PDE1C: variants seen among roughly 807,000 people sequenced by gnomAD.
PDE1C encodes the protein phosphodiesterase 1C, also known as dual specificity calcium/calmodulin-dependent 3',5'-cyclic nucleotide phosphodiesterase 1C.
PDE1C carries 62 observed loss-of-function variants against 93.1 expected under a neutral mutation model. That is an observed-to-expected ratio of 0.67 (90% CI 0.54 to 0.82). The LOEUF is 0.82. Among genes scored for constraint, PDE1C ranks in the 40% least tolerant of loss-of-function variants. The pLI is 0.00. For missense variants in PDE1C, 742 were observed against 884.6 expected, an observed-to-expected ratio of 0.84 and a Z score of 2.04; for synonymous variants, 325 against 310.1, an observed-to-expected ratio of 1.05 and a Z score of -0.50.
At chr7:32,246,646 A>G (rs1808979553) in intron 1 of PDE1C, among the ~76,000 whole-genome samples, 1 of 152,218 alleles carries the variant, frequency 6.6e-6, no homozygotes, top group African/African-American at 2.4e-5. Flanking sequence ...ATTTATTGCA[A>G]GCAGGGAAGC....
At chr7:31,991,846 A>G (rs1389327829) in intron 2 of PDE1C, among the ~76,000 whole-genome samples, 4 of 152,238 alleles carry the variant, frequency 2.6e-5, no homozygotes. Context: ...AGCATACTTA[A>G]CAACCTGCTT....
chr7:32,422,026 T>G (rs1407002321), intron 1 of PDE1C, among the ~76,000 whole-genome samples: 1 of 152,250 alleles, frequency 6.6e-6, no homozygotes, highest in African/African-American at 2.4e-5. Context: ...TTGGTAAGAC[T>G]CTGGGACCCC....
At chr7:32,141,283 T>C (rs1800508769) in intron 3 of PDE1C, among the ~76,000 whole-genome samples, 1 of 152,140 alleles carries the variant, frequency 6.6e-6, no homozygotes, top group African/African-American at 2.4e-5. Context: ...AATGTGCTAT[T>C]ATCATGCCTG....
chr7:32,051,569 T>C lies in PDE1C; in HGVS notation c.113A>G (p.Lys38Arg). Residue 38 changes from lysine (K) to arginine (R), a missense_variant, in exon 2 of 18, where the codon AAG becomes AGG. Coordinates refer to ENST00000396191, the MANE Select transcript of PDE1C (RefSeq NM_001191057.4). ...WLRLRGLRKY[K>R]KTSQRLRSLV... ...ACGTTCTTACCTCTGGGACGTTTTC[T>C]TATATTTCCTCCTGTAAGAAAAGGC... is the stretch of plus-strand genomic sequence containing the variant. 6.2e-7 allele frequency: 1 copy of C among 1,613,776 alleles called. No individual in the cohort carries two copies. The highest frequency in any genetic ancestry group is 8.5e-7 in the Non-Finnish European group (1 of 1,179,750).
intron 2 of PDE1C, among the ~76,000 whole-genome samples, chr7:32,017,623 G>C (rs1382994183): frequency 6.6e-6 from 1 of 151,986 alleles, no homozygotes; most frequent in Non-Finnish European, 1.5e-5. Context: ...CTAGTATCTA[G>C]AATACATAAA....
intron 2 of PDE1C, among the ~76,000 whole-genome samples, chr7:31,965,789 G>C (rs570472315): frequency 7.9e-5 from 12 of 152,348 alleles, no homozygotes; most frequent in Admixed American, 6.5e-4. Context: ...CCAGAAGAGA[G>C]TGGGGGCAAA....
intron 1 of PDE1C, among the ~76,000 whole-genome samples, chr7:32,360,826 C>T (rs1784123956): frequency 1.3e-5 from 2 of 152,126 alleles, no homozygotes; most frequent in Non-Finnish European, 2.9e-5. Flanking sequence ...AACTCAAAGA[C>T]TTGGGATCGG....
At chr7:31,630,120 G>T in the PDE1C span, among the ~76,000 whole-genome samples, 1 of 151,008 alleles carries the variant, frequency 6.6e-6, no homozygotes, top group Non-Finnish European at 1.5e-5. Context: ...TTAATTCTTG[G>T]TGTTTGAAAT....
intron 2 of PDE1C, among the ~76,000 whole-genome samples, chr7:31,931,933 C>T (rs1804357355): frequency 6.6e-6 from 1 of 152,176 alleles, no homozygotes; most frequent in Non-Finnish European, 1.5e-5. Context: ...ACCATCTGAT[C>T]TTTGAGAAAC....
chr7:32,408,071 A>G (rs567254196), intron 1 of PDE1C, among the ~76,000 whole-genome samples: 1 of 152,342 alleles, frequency 6.6e-6, no homozygotes, highest in South Asian at 2.1e-4. Flanking sequence ...AAGTATCTTT[A>G]GTAAGTAAGA....
At chr7:31,889,045 G>A (rs1216052380) in intron 2 of PDE1C, among the ~76,000 whole-genome samples, 2 of 152,162 alleles carry the variant, frequency 1.3e-5, no homozygotes, top group Non-Finnish European at 2.9e-5. Flanking sequence ...CCATGCTCAT[G>A]AATTTTAACA....
chr7:31,927,122 G>A (rs1343764319), intron 2 of PDE1C, among the ~76,000 whole-genome samples: 1 of 152,022 alleles, frequency 6.6e-6, no homozygotes, highest in Non-Finnish European at 1.5e-5. Flanking sequence ...TGAGCTTGGT[G>A]TGGGGAGGTG....
chr7:31,690,517 A>G, the PDE1C span, among the ~76,000 whole-genome samples: 18 of 152,300 alleles, frequency 1.2e-4, no homozygotes, highest in East Asian at 3.1e-3. Flanking sequence ...AAATGATTCT[A>G]TTACATTGGG....
At chr7:31,905,318 G>A (rs891055131) in intron 2 of PDE1C, among the ~76,000 whole-genome samples, 2 of 151,992 alleles carry the variant, frequency 1.3e-5, no homozygotes, top group Non-Finnish European at 2.9e-5. Context: ...GATGTCAGTA[G>A]ACCTGGACTT....
intron 15 of PDE1C, among the ~76,000 whole-genome samples, chr7:31,814,920 T>C (rs1788038300): frequency 6.6e-6 from 1 of 151,730 alleles, no homozygotes. Context: ...TAAATTACCT[T>C]GCTATTCAGC....
At chr7:31,674,198 T>A in the PDE1C span, among the ~76,000 whole-genome samples, 1 of 152,188 alleles carries the variant, frequency 6.6e-6, no homozygotes, top group African/African-American at 2.4e-5. Context: ...CTGTTCTGAT[T>A]TTTTTCATCA....
the PDE1C span, among the ~76,000 whole-genome samples, chr7:31,728,028 A>C: frequency 3.9e-5 from 6 of 152,196 alleles, no homozygotes; most frequent in Non-Finnish European, 1.5e-5. Context: ...TGGGTGACAG[A>C]GCAAGACTCC....
chr7:31,838,750 G>T (rs1791437204), intron 9 of PDE1C, among the ~76,000 whole-genome samples: 1 of 151,872 alleles, frequency 6.6e-6, no homozygotes, highest in Non-Finnish European at 1.5e-5. Context: ...CTTTATTGAG[G>T]TATAATTTAC....
At chr7:32,146,837 C>T (rs1047205545) in intron 3 of PDE1C, among the ~76,000 whole-genome samples, 4 of 151,972 alleles carry the variant, frequency 2.6e-5, no homozygotes, top group Admixed American at 6.6e-5. Flanking sequence ...GGAAAGTTTA[C>T]TAAAACAGGG....
Sources: allele counts gnomAD v4.1 joint callset (sites outside exome capture counted in the v4.1 genomes callset), GRCh38; gene constraint gnomAD v4.1.1; transcripts MANE v1.5; gene names NCBI Gene and HGNC (gene_info 2026-07-23, HGNC 2026-07-21).